The following DNAJA3 variants were observed in gnomAD, a reference collection of about 807,000 sequenced individuals.
The protein encoded by DNAJA3 is DnaJ heat shock protein family (Hsp40) member A3.
In DNAJA3, 29 loss-of-function variants were observed where a neutral mutation model predicts 54.9. The ratio of observed to expected loss-of-function variants is 0.53; its 90% CI spans 0.39 to 0.72. The LOEUF (loss-of-function observed/expected upper bound fraction) is 0.72, where lower values mean the gene tolerates loss of function less well. Ranked by LOEUF, DNAJA3 falls within the 30% of genes least tolerant of loss-of-function variation. The probability of loss-of-function intolerance (pLI) is 0.00; values close to 1 mark genes in which losing one functional copy is unlikely to be tolerated. For missense variants in DNAJA3, 708 were observed against 639.4 expected (o/e 1.11, Z -1.16); for synonymous variants, 302 against 251.4 (o/e 1.20, Z -1.90).
In DNAJA3 at chr16:4,455,612, A is replaced by T; in HGVS notation, c.*80A>T. 6.5e-7 allele frequency: 1 copy of T among 1,550,224 alleles called. No homozygotes were observed. Among genetic ancestry groups the T allele is most frequent in the Non-Finnish European group, 8.7e-7 (1 of 1,145,654 alleles). On this transcript the variant is annotated 3_prime_UTR_variant, in exon 12 of 12. Coordinates refer to ENST00000262375, the MANE Select transcript of DNAJA3 (RefSeq NM_005147.6). Reference sequence around the variant, plus strand: ...CTCCAAGGGCCAGGGCACCTGGGAGACGGGAGGATTCCAGAACAGCAGCAC... The same window carrying T: ...CTCCAAGGGCCAGGGCACCTGGGAGTCGGGAGGATTCCAGAACAGCAGCAC...
intron 8 of DNAJA3, chr16:4,447,576 C>G (rs966029716): frequency 4.6e-5 from 7 of 153,058 alleles, no homozygotes; most frequent in African/African-American, 1.7e-4. Context: ...TCTCCTCCAT[C>G]TGGGGGCTAT....
rs2056745479 is a variant in DNAJA3, at chr16:4,434,370, T to C, written c.212-14T>C. 2 of 1,611,060 alleles carry C rather than the reference T, an allele frequency of 1.2e-6. No homozygotes were observed. The highest frequency in any genetic ancestry group is 2.2e-5 in the South Asian group (2 of 90,494). On this transcript the variant is annotated splice_polypyrimidine_tract_variant and intron_variant, in intron 1 of 11. Coordinates refer to ENST00000262375, the MANE Select transcript of DNAJA3 (RefSeq NM_005147.6). ...ACATTCCCAGAGTGATTTTCTTTGT[T>C]TTTTCCTTTTTAGGAACAAAACATA... is the stretch of plus-strand genomic sequence containing the variant.
intron 10 of DNAJA3, among the ~76,000 whole-genome samples, chr16:4,451,801 C>A (rs1445324214): frequency 6.7e-6 from 1 of 148,646 alleles, no homozygotes; most frequent in Non-Finnish European, 1.5e-5. Context: ...TGGCTCACGC[C>A]TGTAATCCTA....
intron 11 of DNAJA3, 103 bp from the exon 12 acceptor site, chr16:4,455,443 T>A (rs2057024742): frequency 1.4e-6 from 2 of 1,408,210 alleles, no homozygotes; most frequent in South Asian, 1.2e-5. Flanking sequence ...TTCTCGCCCC[T>A]CTCTTGGCAC....
chr16:4,454,391 GTAAA>G (rs2057011682), intron 10 of DNAJA3, among the ~76,000 whole-genome samples: 1 of 152,204 alleles, frequency 6.6e-6, no homozygotes, highest in Non-Finnish European at 1.5e-5. Flanking sequence ...GTGGCCTTGG[GTAAA>G]CCCTGTAACC....
intron 1 of DNAJA3, among the ~76,000 whole-genome samples, chr16:4,427,611 A>G (rs538061875): frequency 6.6e-6 from 1 of 152,324 alleles, no homozygotes; most frequent in South Asian, 2.1e-4. Context: ...TGTTCTGGGC[A>G]CTGAGGAGAT....
At chr16:4,443,998 G>A (rs536547108) in intron 6 of DNAJA3, among the ~76,000 whole-genome samples, 1 of 152,234 alleles carries the variant, frequency 6.6e-6, no homozygotes, top group South Asian at 2.1e-4. Flanking sequence ...CTTTACTGTT[G>A]TTTAGATGTC....
At chr16:4,448,136 C>CT (rs1478952673) in intron 8 of DNAJA3, among the ~76,000 whole-genome samples, 2 of 147,056 alleles carry the variant, frequency 1.4e-5, no homozygotes, top group Non-Finnish European at 1.5e-5. Context: ...TCAAGCGATT[C>CT]CCACCTCAGC....
chr16:4,440,115 T>A (rs1285243816), intron 3 of DNAJA3: 1 of 151,862 alleles, frequency 6.6e-6, no homozygotes, highest in Non-Finnish European at 1.5e-5. Flanking sequence ...TTTTTTTGTA[T>A]TTTTCTTGTG....
intron 10 of DNAJA3, among the ~76,000 whole-genome samples, chr16:4,453,916 A>G (rs1052212969): frequency 6.6e-6 from 1 of 152,194 alleles, no homozygotes; most frequent in African/African-American, 2.4e-5. Context: ...AATGAGCTCT[A>G]CAATTAACAT....
rs755367153 is a variant in DNAJA3, at chr16:4,447,021, G to A, written c.1125+7G>A. Reference sequence around the variant, plus strand: ...CGAGACGATCAACGTGACGGTAAGAGGGTGTGAGAACACCTTTGTCACCCC... The same window carrying A: ...CGAGACGATCAACGTGACGGTAAGAAGGTGTGAGAACACCTTTGTCACCCC... On this transcript the variant is annotated splice_region_variant and intron_variant, in intron 8 of 11. Transcript: ENST00000262375. The A allele has an allele frequency of 8.1e-6, 13 of 1,612,136 alleles. No homozygotes were observed. Among genetic ancestry groups the A allele is most frequent in the Non-Finnish European group, 1.0e-5 (12 of 1,179,402 alleles).
intron 1 of DNAJA3, among the ~76,000 whole-genome samples, chr16:4,428,549 CGTT>C (rs1406343716): frequency 6.6e-6 from 1 of 152,144 alleles, no homozygotes; most frequent in Non-Finnish European, 1.5e-5. Flanking sequence ...TGGGAGCACT[CGTT>C]ATTATTGTGT....
intron 6 of DNAJA3, among the ~76,000 whole-genome samples, chr16:4,443,704 T>C (rs1345334250): frequency 6.6e-6 from 1 of 152,090 alleles, no homozygotes; most frequent in Non-Finnish European, 1.5e-5. Context: ...TTTTCTTTTT[T>C]GAGACGGAGT....
intron 3 of DNAJA3, among the ~76,000 whole-genome samples, chr16:4,437,786 CA>C (rs1209856777): frequency 0.043 from 3,338 of 76,736 alleles, 123 homozygotes; most frequent in African/African-American, 0.13. Context: ...CACGTCTCTA[CA>C]AAAAAAAAAA....
chr16:4,425,939 C>G lies in DNAJA3; in HGVS notation c.58C>G (p.Pro20Ala). Residue 20 changes from proline to alanine, a missense_variant, in exon 1 of 12, where the codon CCG (proline) becomes GCG (alanine). Coordinates refer to ENST00000262375, the MANE Select transcript of DNAJA3 (RefSeq NM_005147.6). The stretch of plus-strand genomic sequence containing the variant: ...GGTGGTTGTGGGGACCCCGCGGCTG[C>G]CGGCTATATCGGGTAGAGGGGCCCG... Reference protein sequence around the residue: ...LLVVVGTPRLPAISGRGARPP... With the variant: ...LLVVVGTPRLAAISGRGARPP... 1 of 1,559,276 alleles carries G rather than the reference C, an allele frequency of 6.4e-7. No homozygotes were observed. The highest frequency in any genetic ancestry group is 1.4e-5 in the African/African-American group (1 of 73,100).
At chr16:4,440,736 C>G (rs967307726) in intron 3 of DNAJA3, 1 of 152,152 alleles carries the variant, frequency 6.6e-6, no homozygotes, top group Non-Finnish European at 1.5e-5. Context: ...TTTGGGAGGT[C>G]GAAGTGGGAG....
At chr16:4,432,870 G>A (rs529583595) in intron 1 of DNAJA3, among the ~76,000 whole-genome samples, 5 of 152,086 alleles carry the variant, frequency 3.3e-5, no homozygotes, top group Admixed American at 6.5e-5. Flanking sequence ...TGCCGGGCAC[G>A]GTGGCTCACG....
intron 2 of DNAJA3, among the ~76,000 whole-genome samples, chr16:4,436,163 GT>G (rs1245370243): frequency 6.6e-6 from 1 of 152,142 alleles, no homozygotes; most frequent in African/African-American, 2.4e-5. Context: ...TTTTAACTGG[GT>G]TGTCTTTTTT....
intron 6 of DNAJA3, among the ~76,000 whole-genome samples, 167 bp from the exon 7 acceptor site, chr16:4,444,497 C>G (rs1231690517): frequency 6.6e-6 from 1 of 152,070 alleles, no homozygotes. Context: ...GCGTGTGCCA[C>G]CACGCCCAGT....
Sources: allele counts gnomAD v4.1 joint callset (sites outside exome capture counted in the v4.1 genomes callset), GRCh38; gene constraint gnomAD v4.1.1; transcripts MANE v1.5; gene names NCBI Gene and HGNC (gene_info 2026-07-23, HGNC 2026-07-21).